Variants in PPARGC1A observed in about 807,000 individuals in gnomAD.
The protein encoded by PPARGC1A is PPARG coactivator 1 alpha.
PPARGC1A carries 25 observed loss-of-function variants against 88.7 expected under a neutral mutation model. The ratio of observed to expected loss-of-function variants is 0.28; its 90% CI spans 0.21 to 0.39. PPARGC1A has a LOEUF of 0.39. PPARGC1A is among the 10% of genes least tolerant of loss of function. The pLI, the probability that PPARGC1A is intolerant of heterozygous loss-of-function variation, is 1.00. For missense variants in PPARGC1A, 880 were observed against 968.7 expected, an observed-to-expected ratio of 0.91 and a Z score of 1.22; for synonymous variants, 363 against 355.6, an observed-to-expected ratio of 1.02 and a Z score of -0.24.
At chr4:24,141,337 G>A in the PPARGC1A span, among the ~76,000 whole-genome samples, 1 of 152,142 alleles carries the variant, frequency 6.6e-6, no homozygotes, top group African/African-American at 2.4e-5. Context: ...CTCACTGCTA[G>A]TAGCAGCTAC....
chr4:23,832,713 C>A (rs1320578080), intron 2 of PPARGC1A, among the ~76,000 whole-genome samples: 12 of 151,148 alleles, frequency 7.9e-5, no homozygotes, highest in African/African-American at 2.9e-4. Context: ...GGGTTCAAGC[C>A]ATTCTCCTGC....
At chr4:24,443,448 C>G in the PPARGC1A span, among the ~76,000 whole-genome samples, 23 of 152,222 alleles carry the variant, frequency 1.5e-4, no homozygotes, top group East Asian at 3.3e-3. Context: ...AAGGTGGGAA[C>G]TGAAAGCACA....
chr4:23,828,818 T>C (rs965985603), intron 4 of PPARGC1A, among the ~76,000 whole-genome samples: 1 of 152,202 alleles, frequency 6.6e-6, no homozygotes, highest in Non-Finnish European at 1.5e-5. Context: ...TTATTTCTCC[T>C]ACATTTCAAT....
the PPARGC1A span, among the ~76,000 whole-genome samples, chr4:24,134,089 C>T: frequency 6.6e-6 from 1 of 152,146 alleles, no homozygotes; most frequent in Admixed American, 6.6e-5. Context: ...CAAATGACTC[C>T]CAAACACATA....
At chr4:23,801,041 T>C (rs1718600318) in intron 12 of PPARGC1A, among the ~76,000 whole-genome samples, 1 of 151,948 alleles carries the variant, frequency 6.6e-6, no homozygotes, top group African/African-American at 2.4e-5. Flanking sequence ...CTCTTAGTTG[T>C]AGTTCATAGA....
chr4:24,032,621 C>A, the PPARGC1A span, among the ~76,000 whole-genome samples: 7 of 152,222 alleles, frequency 4.6e-5, no homozygotes, highest in Non-Finnish European at 7.3e-5. Context: ...TCTAATCCAA[C>A]AAGTATTTGC....
the PPARGC1A span, among the ~76,000 whole-genome samples, chr4:24,263,456 T>TACAA: frequency 6.7e-6 from 1 of 150,086 alleles, no homozygotes; most frequent in Non-Finnish European, 1.5e-5. Flanking sequence ...TGTGGGTGTA[T>TACAA]ACACACACAC....
the PPARGC1A span, among the ~76,000 whole-genome samples, chr4:24,394,647 C>T: frequency 9.2e-5 from 14 of 152,168 alleles, no homozygotes; most frequent in Admixed American, 2.0e-4. Context: ...CACGCTTGCA[C>T]GCTGTATGTT....
Position 23,824,270 on chromosome 4 carries a change from T to A in PPARGC1A, c.877+10A>T. 6.2e-7 allele frequency: 1 copy of A among 1,608,592 alleles called. No individual in the cohort carries two copies. Among genetic ancestry groups the A allele is most frequent in the Non-Finnish European group, 8.5e-7 (1 of 1,175,328 alleles). ...ACACACACAAGTTCTAAGTGAAATA[T>A]AAGGCTTACCTGCAGTTCCAGAGAG... On this transcript the variant is annotated intron_variant, in intron 7 of 12. Transcript: ENST00000264867.
chr4:23,822,785 C>A (rs571806811), intron 7 of PPARGC1A, among the ~76,000 whole-genome samples: 1 of 152,206 alleles, frequency 6.6e-6, no homozygotes, highest in Non-Finnish European at 1.5e-5. Context: ...TAGCCTCATT[C>A]AGCATCTTTC....
chr4:24,350,859 A>G, the PPARGC1A span, among the ~76,000 whole-genome samples: 3 of 152,182 alleles, frequency 2.0e-5, no homozygotes, highest in African/African-American at 7.2e-5. Flanking sequence ...GCTGGGCATC[A>G]TGGCTCACAC....
At chr4:23,964,519 G>A in the PPARGC1A span, among the ~76,000 whole-genome samples, 1 of 152,182 alleles carries the variant, frequency 6.6e-6, no homozygotes, top group Admixed American at 6.5e-5. Flanking sequence ...CTTAAGACCT[G>A]TTGACCAAGT....
At chr4:23,851,000 T>C (rs1186305725) in intron 2 of PPARGC1A, among the ~76,000 whole-genome samples, 4 of 152,170 alleles carry the variant, frequency 2.6e-5, no homozygotes, top group African/African-American at 7.2e-5. Flanking sequence ...CTGAATATTC[T>C]AGAAAAAATG....
the PPARGC1A span, among the ~76,000 whole-genome samples, chr4:24,446,406 C>A: frequency 9.2e-5 from 14 of 151,974 alleles, no homozygotes; most frequent in African/African-American, 2.9e-4. Context: ...AAGTCTTTAG[C>A]CTGTTTTTTA....
chr4:24,328,254 C>A, the PPARGC1A span, among the ~76,000 whole-genome samples: 3 of 97,470 alleles, frequency 3.1e-5, no homozygotes, highest in East Asian at 6.4e-4. Flanking sequence ...ATTAGCAGCC[C>A]CCCCCCCAAT....
At chr4:24,146,130 G>A in the PPARGC1A span, among the ~76,000 whole-genome samples, 1 of 152,168 alleles carries the variant, frequency 6.6e-6, no homozygotes, top group Non-Finnish European at 1.5e-5. Context: ...TCCAAGATGA[G>A]ACACATTGTG....
At chr4:23,915,167 C>G in the PPARGC1A span, among the ~76,000 whole-genome samples, 3 of 151,254 alleles carry the variant, frequency 2.0e-5, no homozygotes, top group Non-Finnish European at 4.4e-5. Context: ...AATTTATTTT[C>G]TTTTTTTTTA....
At chr4:24,221,724 G>A in the PPARGC1A span, among the ~76,000 whole-genome samples, 1 of 152,142 alleles carries the variant, frequency 6.6e-6, no homozygotes, top group Non-Finnish European at 1.5e-5. Flanking sequence ...CGTGAGCTAT[G>A]ATCACACCAC....
chr4:24,105,422 G>C, the PPARGC1A span, among the ~76,000 whole-genome samples: 1 of 152,188 alleles, frequency 6.6e-6, no homozygotes, highest in African/African-American at 2.4e-5. Flanking sequence ...AGAGATAAAA[G>C]GGCCTGAGGA....
Sources: gnomAD v4.1 joint callset for allele counts (sites outside exome capture counted in the v4.1 genomes callset) on GRCh38, gnomAD v4.1.1 for gene constraint, MANE v1.5 for transcripts, NCBI Gene and HGNC (gene_info 2026-07-23, HGNC 2026-07-21) for gene names.